Variants in STIM1 observed in about 807,000 individuals in gnomAD.
STIM1 encodes stromal interaction molecule 1.
Under a neutral mutation model 74.7 loss-of-function variants are expected in STIM1, and 25 were observed. The ratio of observed to expected loss-of-function variants is 0.33; its 90% CI spans 0.24 to 0.47. STIM1 has a LOEUF of 0.47. Among genes scored for constraint, STIM1 ranks in the 20% least tolerant of loss-of-function variants. The pLI is 1.00. For synonymous variants in STIM1, 328 were observed against 348.8 expected (o/e 0.94, Z 0.66); for missense variants, 728 against 920.8 (o/e 0.79, Z 2.71).
In STIM1 at chr11:4,070,060, G is replaced by T; in HGVS notation, c.648G>T (p.Leu216=). ...ATAATCACCTCAAGGACTTCATGCT[G>T]GTGGTGTCTATCGTTATTGGTGTGG... ...TRHNHLKDFM[L]VVSIVIGVGG... The change falls in exon 6 of 13, where the codon CTG becomes CTT. Residue 216 remains leucine (L), a synonymous_variant. Transcript: ENST00000526596. The T allele has an allele frequency of 2.5e-6, 4 of 1,614,182 alleles. No individual in the cohort carries two copies. The highest frequency in any genetic ancestry group is 3.4e-6 in the Non-Finnish European group (4 of 1,180,036).
At chr11:3,929,224 T>C (rs996340271) in intron 1 of STIM1, among the ~76,000 whole-genome samples, 25 of 152,256 alleles carry the variant, frequency 1.6e-4, no homozygotes, top group Admixed American at 2.0e-4. Flanking sequence ...AGGCAGGAGA[T>C]ACAGGTCCTT....
chr11:4,036,794 A>G (rs993283625), intron 3 of STIM1, among the ~76,000 whole-genome samples: 1 of 152,236 alleles, frequency 6.6e-6, no homozygotes, highest in Admixed American at 6.5e-5. Context: ...ATTTTCTCCC[A>G]TTCTGTACCA....
At chr11:4,027,376 A>G (rs777459496) in intron 3 of STIM1, among the ~76,000 whole-genome samples, 1 of 151,948 alleles carries the variant, frequency 6.6e-6, no homozygotes, top group African/African-American at 2.4e-5. Context: ...CAGTGGCGCA[A>G]TCTCAGCTCA....
chr11:3,934,776 A>G (rs745819043), intron 1 of STIM1, among the ~76,000 whole-genome samples: 1 of 152,218 alleles, frequency 6.6e-6, no homozygotes, highest in Admixed American at 6.5e-5. Context: ...CCCTTCAAAC[A>G]TGCAGTGCAG....
Position 3,886,500 on chromosome 11 carries a change from A to G in STIM1, c.139+30091A>G, listed in dbSNP as rs564805329. On this transcript the variant is annotated intron_variant, in intron 1 of 12. Coordinates refer to ENST00000526596, the MANE Select transcript of STIM1 (RefSeq NM_001382567.1). ...TCAGGAGATCGAGACCACCCTGGAT[A>G]ACATGGTGAAACCCTGTCTCTACTA... Among the ~76,000 whole-genome samples the G allele has an allele frequency of 7.3e-5, 11 of 151,696 alleles. No individual in the cohort carries two copies. The South Asian group carries it at 8.3e-4, about 11-fold the overall frequency.
At chr11:3,928,604 T>C (rs1278391172) in intron 1 of STIM1, among the ~76,000 whole-genome samples, 1 of 152,074 alleles carries the variant, frequency 6.6e-6, no homozygotes, top group Non-Finnish European at 1.5e-5. Context: ...TGTGTGTGTG[T>C]GTGCGCGTGT....
intron 2 of STIM1, among the ~76,000 whole-genome samples, chr11:4,016,918 C>A (rs2093903617): frequency 6.6e-6 from 1 of 152,234 alleles, no homozygotes; most frequent in Non-Finnish European, 1.5e-5. Flanking sequence ...GTTGCGAAGA[C>A]CGTGGGAAAA....
chr11:3,854,659 C>T (rs1016959278), upstream of STIM1: 1 of 152,236 alleles, frequency 6.6e-6, no homozygotes, highest in Non-Finnish European at 1.5e-5. Context: ...AGAGAGGTAG[C>T]TGGGAGAATG....
intron 2 of STIM1, among the ~76,000 whole-genome samples, chr11:3,977,041 C>T (rs1186523880): frequency 3.3e-5 from 5 of 151,648 alleles, no homozygotes; most frequent in Non-Finnish European, 5.9e-5. Flanking sequence ...GTGATCTGCC[C>T]GCCTCCAGCT....
chr11:3,885,230 G>GTGC (rs1280769400), intron 1 of STIM1, among the ~76,000 whole-genome samples: 1 of 151,408 alleles, frequency 6.6e-6, no homozygotes, highest in East Asian at 1.9e-4. Context: ...CTAGACTGGA[G>GTGC]TGCAGTGGTG....
chr11:4,022,522 T>C (rs1306915188), intron 2 of STIM1, among the ~76,000 whole-genome samples: 1 of 152,142 alleles, frequency 6.6e-6, no homozygotes, highest in East Asian at 1.9e-4. Flanking sequence ...ATAATAGCGG[T>C]GAACGAAGGC....
At chr11:4,019,449 G>A (rs1294040022) in intron 2 of STIM1, among the ~76,000 whole-genome samples, 1 of 152,146 alleles carries the variant, frequency 6.6e-6, no homozygotes, top group Non-Finnish European at 1.5e-5. Flanking sequence ...TGAGGCAGGA[G>A]GATTGCTTGA....
chr11:3,936,059 G>A (rs961861425), intron 1 of STIM1, among the ~76,000 whole-genome samples: 1 of 152,174 alleles, frequency 6.6e-6, no homozygotes. Context: ...CTCAGTTCGA[G>A]TTCTGACAAA....
chr11:3,990,481 A>G (rs1238156829), intron 2 of STIM1, among the ~76,000 whole-genome samples: 7 of 152,204 alleles, frequency 4.6e-5, no homozygotes, highest in Non-Finnish European at 1.0e-4. Context: ...TCATATGGTA[A>G]CTGTGTTTAC....
chr11:3,942,490 G>C (rs776218758), intron 1 of STIM1, among the ~76,000 whole-genome samples: 10 of 152,146 alleles, frequency 6.6e-5, no homozygotes, highest in Non-Finnish European at 1.2e-4. Flanking sequence ...TGCCTCAGGA[G>C]AGTTCCTGAG....
At chr11:3,879,389 C>T (rs1297039290) in intron 1 of STIM1, among the ~76,000 whole-genome samples, 1 of 152,166 alleles carries the variant, frequency 6.6e-6, no homozygotes, top group East Asian at 1.9e-4. Context: ...TTATAATCTT[C>T]TTAGTCTGTA....
intron 2 of STIM1, among the ~76,000 whole-genome samples, chr11:4,004,322 C>G (rs891620002): frequency 1.3e-5 from 2 of 151,988 alleles, no homozygotes; most frequent in African/African-American, 2.4e-5. Context: ...ATCACGCTAC[C>G]TGACTTCAAA....
At chr11:4,016,441 C>T (rs971310681) in intron 2 of STIM1, among the ~76,000 whole-genome samples, 6 of 152,160 alleles carry the variant, frequency 3.9e-5, no homozygotes, top group East Asian at 1.9e-4. Flanking sequence ...GAGGGTCACC[C>T]GCCTGTATGA....
chr11:3,967,451 A>G (rs867374170), intron 1 of STIM1, 101 bp from the exon 2 acceptor site: 11 of 1,577,546 alleles, frequency 7.0e-6, no homozygotes, highest in African/African-American at 6.7e-5. Context: ...AAGTGCCTAC[A>G]TGAGGAGTCA....
Sources: allele counts gnomAD v4.1 joint callset (sites outside exome capture counted in the v4.1 genomes callset), GRCh38; gene constraint gnomAD v4.1.1; transcripts MANE v1.5; gene names NCBI Gene and HGNC (gene_info 2026-07-23, HGNC 2026-07-21).